HDAC4: variants seen among roughly 807,000 people sequenced by gnomAD.
HDAC4 encodes histone deacetylase A.
HDAC4 carries 16 observed loss-of-function variants against 135.1 expected under a neutral mutation model. That is an observed-to-expected ratio of 0.12 (90% CI 0.08 to 0.18). The LOEUF (loss-of-function observed/expected upper bound fraction) is 0.18. HDAC4 is among the 10% of genes least tolerant of loss of function. The pLI is 1.00. For missense variants in HDAC4, 1,143 were observed against 1,511.8 expected, an observed-to-expected ratio of 0.76 and a Z score of 4.05; for synonymous variants, 685 against 653.4, an observed-to-expected ratio of 1.05 and a Z score of -0.74.
chr2:239,113,504 C>A (rs773453480), intron 13 of HDAC4, among the ~76,000 whole-genome samples: 5 of 152,184 alleles, frequency 3.3e-5, no homozygotes, highest in Non-Finnish European at 7.4e-5. Context: ...TGTACTACGA[C>A]GTTTCCCTGA....
chr2:239,397,232 TGG>T (rs1696620729), intron 1 of HDAC4, among the ~76,000 whole-genome samples: 1 of 152,208 alleles, frequency 6.6e-6, no homozygotes, highest in Admixed American at 6.5e-5. Flanking sequence ...AACTGGCCTT[TGG>T]GACTGGAGAT....
chr2:239,352,929 A>G lies in HDAC4; in HGVS notation c.-219-11T>C. 1.7e-6 allele frequency: 1 copy of G among 573,780 alleles called. No individual in the cohort carries two copies. Among genetic ancestry groups the G allele is most frequent in the South Asian group, 2.0e-5 (1 of 48,792 alleles). 35.5% of individuals were successfully genotyped at this position (573,780 alleles called of 1,614,324 possible). A position where few individuals can be genotyped will look rare whatever the true frequency, so the allele number is the denominator to read the frequency against. On this transcript the variant is annotated splice_polypyrimidine_tract_variant and intron_variant, in intron 1 of 26. Coordinates refer to ENST00000543185, the MANE Select transcript of HDAC4 (RefSeq NM_001378414.1). This position sits in a 1 kb window ranked among gnomAD's most constrained non-coding sequence, Gnocchi z 4.4. ...CTTCTGCAGATGAACCTGCAAGGTC[A>G]GAAGGAGAAAAGAGACTGGAGTTAC...
At chr2:239,279,692 A>G (rs1559319749) in intron 2 of HDAC4, among the ~76,000 whole-genome samples, 1 of 152,176 alleles carries the variant, frequency 6.6e-6, no homozygotes, top group Non-Finnish European at 1.5e-5. Context: ...GTCTCCTGAG[A>G]GCAGGGGACC....
chr2:239,135,058 C>T (rs2040857061), intron 9 of HDAC4, among the ~76,000 whole-genome samples: 1 of 151,950 alleles, frequency 6.6e-6, no homozygotes, highest in Non-Finnish European at 1.5e-5. Context: ...AGGCAGAAAA[C>T]AAAAAGGAAA....
chr2:239,222,039 A>C (rs1247986622), intron 3 of HDAC4, among the ~76,000 whole-genome samples: 1 of 152,242 alleles, frequency 6.6e-6, no homozygotes, highest in Admixed American at 6.5e-5. Context: ...ATGCGGCTGT[A>C]AACTTGCTGC....
chr2:239,347,661 C>T (rs1278252777), intron 2 of HDAC4, among the ~76,000 whole-genome samples: 3 of 152,080 alleles, frequency 2.0e-5, no homozygotes, highest in Admixed American at 6.5e-5. Flanking sequence ...ACTACAGGCG[C>T]GTGCCACCAC....
chr2:239,156,773 C>G lies in HDAC4; in HGVS notation c.612G>C (p.Gly204=), dbSNP rs2042449243. 6.2e-7 allele frequency: 1 copy of G among 1,614,042 alleles called. No homozygotes were observed. Among genetic ancestry groups the G allele is most frequent in the Non-Finnish European group, 8.5e-7 (1 of 1,180,052 alleles). Residue 204 remains glycine (G), a splice_region_variant and synonymous_variant, in exon 7 of 27, where the codon GGG becomes GGC. Coordinates refer to ENST00000543185, the MANE Select transcript of HDAC4 (RefSeq NM_001378414.1). The stretch of plus-strand genomic sequence containing the variant: ...GGTCAAGGGAACTGTGCTGCGTTTT[C>G]CTGGAGAGAAGGCAAAGACAGATGG... ...CISSDPRYWY[G]KTQHSSLDQS...
At chr2:239,188,723 C>T (rs919089471) in intron 4 of HDAC4, among the ~76,000 whole-genome samples, 1 of 152,224 alleles carries the variant, frequency 6.6e-6, no homozygotes, top group Admixed American at 6.5e-5. Context: ...TGGCGGCCTG[C>T]CACTTCCCAG....
At chr2:239,312,180 A>C (rs1295978920) in intron 2 of HDAC4, among the ~76,000 whole-genome samples, 4 of 152,208 alleles carry the variant, frequency 2.6e-5, no homozygotes, top group Non-Finnish European at 5.9e-5. Flanking sequence ...AGGGGCGGGC[A>C]GGGGCACCCC....
At position 239,051,424 on chromosome 2, in the gene HDAC4, A is replaced by G. The variant is rs2030831542; in HGVS notation, c.*1673T>C. On this transcript the variant is annotated 3_prime_UTR_variant, in exon 27 of 27. Coordinates refer to ENST00000543185, the MANE Select transcript of HDAC4 (RefSeq NM_001378414.1). ...TAATTAAAAACCTTTGAAAGGTAAAAAAAAATGTACAAGCAAGAATTCAGA... is the reference window on the plus strand; with the variant it reads ...TAATTAAAAACCTTTGAAAGGTAAAGAAAAATGTACAAGCAAGAATTCAGA... 1 of 152,348 alleles carries G rather than the reference A, an allele frequency of 6.6e-6. No homozygotes were observed. The highest frequency in any genetic ancestry group is 2.4e-5 in the African/African-American group (1 of 41,474). 9.4% of individuals were successfully genotyped at this position (152,348 alleles called of 1,614,324 possible). A position where few individuals can be genotyped will look rare whatever the true frequency, so the allele number is the denominator to read the frequency against.
chr2:239,189,965 C>T lies in HDAC4; in HGVS notation c.207G>A (p.Gln69=), dbSNP rs1365257790. 1 of 1,608,798 alleles carries T rather than the reference C, an allele frequency of 6.2e-7. No individual in the cohort carries two copies. The highest frequency in any genetic ancestry group is 2.2e-5 in the East Asian group (1 of 44,838). The change falls in exon 4 of 27, where the codon CAG becomes CAA. Residue 69 remains glutamine (Q), a synonymous_variant. Transcript: ENST00000543185. ...LPVAEPALRE[Q]QLQQELLALK... ...GCGCCAGGAGCTCCTGCTGCAGCTG[C>T]TGCTCCCGCAGGGCCGGCTCTGCCA...
chr2:239,197,146 G>A (rs1161689968), intron 3 of HDAC4, among the ~76,000 whole-genome samples: 2 of 152,198 alleles, frequency 1.3e-5, no homozygotes, highest in African/African-American at 2.4e-5. Flanking sequence ...AGGGAGGCAT[G>A]AGAGTAAGTT....
At chr2:239,252,456 C>A (rs549504784) in intron 2 of HDAC4, among the ~76,000 whole-genome samples, 66 of 152,344 alleles carry the variant, frequency 4.3e-4, no homozygotes, top group African/African-American at 1.5e-3. Flanking sequence ...GTTGTGGGAG[C>A]AAGTCCTCTG....
At chr2:239,350,474 C>T (rs1163156298) in intron 2 of HDAC4, among the ~76,000 whole-genome samples, 3 of 151,920 alleles carry the variant, frequency 2.0e-5, no homozygotes, top group Non-Finnish European at 4.4e-5. Flanking sequence ...GGATACATAT[C>T]CTCCTATATA....
At chr2:239,333,906 A>C (rs931161418) in intron 2 of HDAC4, among the ~76,000 whole-genome samples, 1 of 152,244 alleles carries the variant, frequency 6.6e-6, no homozygotes, top group African/African-American at 2.4e-5. Flanking sequence ...AGAATAAGAC[A>C]TAGATGCCTA....
intron 2 of HDAC4, among the ~76,000 whole-genome samples, chr2:239,255,562 T>C (rs2049006004): frequency 6.6e-6 from 1 of 152,188 alleles, no homozygotes. Flanking sequence ...AAGAATTAAG[T>C]ACAGCTGTCC....
chr2:239,231,408 G>A (rs772194919), intron 3 of HDAC4, among the ~76,000 whole-genome samples: 2 of 151,966 alleles, frequency 1.3e-5, no homozygotes, highest in Non-Finnish European at 2.9e-5. Context: ...TATGCTGAGC[G>A]ACCCTGGGAC....
chr2:239,139,551 C>T lies in HDAC4; in HGVS notation c.978+133G>A. On this transcript the variant is annotated intron_variant, in intron 9 of 26. Coordinates refer to ENST00000543185, the MANE Select transcript of HDAC4 (RefSeq NM_001378414.1). This position sits in a 1 kb window ranked among gnomAD's most constrained non-coding sequence, Gnocchi z 5.3. ...CAACTGCGTCCTTTTTAGGATGGCT[C>T]ACAGGCCACTTTCCCTCACCCCAAA... 3 of 844,790 alleles carry T rather than the reference C, an allele frequency of 3.6e-6. No homozygotes were observed. Among genetic ancestry groups the T allele is most frequent in the Non-Finnish European group, 6.2e-6 (3 of 485,632 alleles). 52.3% of individuals were successfully genotyped at this position (844,790 alleles called of 1,614,324 possible).
chr2:239,185,406 GAGGTGTACCCTAACTGCTGGGGAA>G (rs1280606097), intron 4 of HDAC4, among the ~76,000 whole-genome samples: 10 of 151,708 alleles, frequency 6.6e-5, no homozygotes, highest in African/African-American at 2.4e-4. Context: ...CTCCTGGGGA[GAGGTGTACCCTAACTGCTGGGGAA>G]AGGTGTGCCC....
Sources: allele counts gnomAD v4.1 joint callset (sites outside exome capture counted in the v4.1 genomes callset), GRCh38; gene constraint gnomAD v4.1.1; non-coding constraint Gnocchi (gnomAD v3.1); transcripts MANE v1.5; gene names NCBI Gene and HGNC (gene_info 2026-07-23, HGNC 2026-07-21).